The following EDIL3 variants were observed in gnomAD, a reference collection of about 807,000 sequenced individuals.
EDIL3 encodes EGF like and discoidin domains 3.
EDIL3 carries 37 observed loss-of-function variants against 67.4 expected under a neutral mutation model. That is an observed-to-expected ratio of 0.55 (90% CI 0.42 to 0.72). The LOEUF (loss-of-function observed/expected upper bound fraction) is 0.72. Among genes scored for constraint, EDIL3 ranks in the 30% least tolerant of loss-of-function variants. The pLI, the probability that EDIL3 is intolerant of heterozygous loss-of-function variation, is 0.00. For synonymous variants in EDIL3, 195 were observed against 196.3 expected (o/e 0.99, Z 0.05); for missense variants, 527 against 586.3 (o/e 0.90, Z 1.04).
Position 84,064,819 on chromosome 5 carries a change from T to C in EDIL3, c.833A>G (p.Asn278Ser), listed in dbSNP as rs146217388. The change falls in exon 8 of 11, where the codon AAC (asparagine) becomes AGC (serine). Residue 278 changes from asparagine (N) to serine (S), a missense_variant. Physicochemically the swap from Asn to Ser is conservative, Grantham distance 46. This residue lies in a region of EDIL3 where 494 missense variants were observed against 522.5 expected (regional missense o/e 0.95). Coordinates refer to ENST00000296591, the MANE Select transcript of EDIL3 (RefSeq NM_005711.5). ...DMVFRGNIDN[N>S]TPYANSFTPP... ...TGTGAAAGAGTTAGCATATGGAGTGTTGTTATCAATGTTTCCACGAAACAC... is the reference window on the plus strand; with the variant it reads ...TGTGAAAGAGTTAGCATATGGAGTGCTGTTATCAATGTTTCCACGAAACAC... 52 of 1,612,104 alleles carry C rather than the reference T, an allele frequency of 3.2e-5. No homozygotes were observed. The African/African-American group carries it at 5.9e-4, about 18-fold the overall frequency.
At chr5:83,994,969 T>G (rs949987756) in intron 9 of EDIL3, among the ~76,000 whole-genome samples, 1 of 152,160 alleles carries the variant, frequency 6.6e-6, no homozygotes, top group Non-Finnish European at 1.5e-5. Flanking sequence ...TAAGAGCAAT[T>G]ATGATTAAAT....
intron 6 of EDIL3, among the ~76,000 whole-genome samples, chr5:84,083,185 A>C (rs2112260330): frequency 6.6e-6 from 1 of 152,336 alleles, no homozygotes; most frequent in East Asian, 1.9e-4. Context: ...GCTCTGAATA[A>C]CTTTATGAGT....
At chr5:84,045,605 C>T (rs371970469) in intron 9 of EDIL3, among the ~76,000 whole-genome samples, 1 of 152,212 alleles carries the variant, frequency 6.6e-6, no homozygotes, top group African/African-American at 2.4e-5. Context: ...TGTCCTTAGT[C>T]ACATCTTAAA....
At chr5:84,184,287 G>A (rs1328330439) in intron 3 of EDIL3, among the ~76,000 whole-genome samples, 1 of 152,198 alleles carries the variant, frequency 6.6e-6, no homozygotes, top group Non-Finnish European at 1.5e-5. Context: ...AGAAGAGCAA[G>A]ATGACCTAAA....
chr5:84,344,453 T>C lies in EDIL3; in HGVS notation c.67+39855A>G, dbSNP rs1300731039. Among the ~76,000 whole-genome samples the C allele has an allele frequency of 1.3e-5, 2 of 151,998 alleles. 1 individual carries two copies. Among genetic ancestry groups the C allele is most frequent in the African/African-American group, 4.8e-5 (2 of 41,420 alleles). ...CTTTTAATTAATTTAAATATAAATA[T>C]AATAATTTAGCTATTGGAAGAATTT... On this transcript the variant is annotated intron_variant, in intron 1 of 10. Coordinates refer to ENST00000296591, the MANE Select transcript of EDIL3 (RefSeq NM_005711.5).
At chr5:84,378,946 T>C (rs546735471) in intron 1 of EDIL3, among the ~76,000 whole-genome samples, 1 of 152,338 alleles carries the variant, frequency 6.6e-6, no homozygotes, top group African/African-American at 2.4e-5. Flanking sequence ...TGCAATCTTT[T>C]AATAATGATG....
At chr5:84,202,141 A>G (rs1743856036) in intron 3 of EDIL3, among the ~76,000 whole-genome samples, 2 of 152,130 alleles carry the variant, frequency 1.3e-5, no homozygotes, top group African/African-American at 4.8e-5. Context: ...CCAATAATGC[A>G]AGAAGTAATA....
At chr5:84,085,100 A>T (rs1449302501) in intron 6 of EDIL3, among the ~76,000 whole-genome samples, 1 of 152,202 alleles carries the variant, frequency 6.6e-6, no homozygotes, top group Non-Finnish European at 1.5e-5. Flanking sequence ...TGTGTGAAAC[A>T]TACAAACATG....
intron 1 of EDIL3, among the ~76,000 whole-genome samples, chr5:84,357,177 G>A (rs1025119309): frequency 5.9e-5 from 9 of 151,704 alleles, no homozygotes; most frequent in African/African-American, 1.7e-4. Context: ...TGCCTGCTTC[G>A]GCTTCCCAAA....
At chr5:84,051,118 C>T (rs1371336274) in intron 9 of EDIL3, among the ~76,000 whole-genome samples, 1 of 152,150 alleles carries the variant, frequency 6.6e-6, no homozygotes, top group Non-Finnish European at 1.5e-5. Flanking sequence ...GACAAAACCT[C>T]CAGAGGAACG....
intron 9 of EDIL3, among the ~76,000 whole-genome samples, chr5:84,045,763 TC>T (rs34424246): frequency 6.6e-6 from 1 of 152,192 alleles, no homozygotes; most frequent in Non-Finnish European, 1.5e-5. Context: ...AGGCATGTTT[TC>T]CTTGCACAAA....
intron 9 of EDIL3, among the ~76,000 whole-genome samples, chr5:84,028,590 C>T (rs536812045): frequency 2.7e-4 from 41 of 152,080 alleles, no homozygotes; most frequent in Admixed American, 1.2e-3. Flanking sequence ...CACACACACA[C>T]GTGACATAAT....
At chr5:84,148,912 T>C (rs1043727138) in intron 4 of EDIL3, among the ~76,000 whole-genome samples, 8 of 140,294 alleles carry the variant, frequency 5.7e-5, no homozygotes, top group Non-Finnish European at 9.0e-5. Flanking sequence ...GGCCTAGACA[T>C]AGTAAAAGGG....
At chr5:84,331,625 C>T (rs1421990718) in intron 1 of EDIL3, among the ~76,000 whole-genome samples, 7 of 152,156 alleles carry the variant, frequency 4.6e-5, no homozygotes, top group Admixed American at 4.6e-4. Flanking sequence ...TCAATTAAAC[C>T]TCTTTCCTTT....
chr5:84,318,163 C>A (rs900296750), intron 1 of EDIL3, among the ~76,000 whole-genome samples: 30 of 152,128 alleles, frequency 2.0e-4, no homozygotes, highest in African/African-American at 7.0e-4. Flanking sequence ...AAAGAAGACA[C>A]AAACAAATGG....
chr5:83,960,894 T>C (rs547836515), intron 10 of EDIL3, among the ~76,000 whole-genome samples: 20 of 151,178 alleles, frequency 1.3e-4, no homozygotes, highest in African/African-American at 4.6e-4. Context: ...ATATAAATTG[T>C]TTAAATGCTC....
intron 1 of EDIL3, among the ~76,000 whole-genome samples, chr5:84,286,343 G>A (rs192429685): frequency 6.6e-6 from 1 of 152,102 alleles, no homozygotes; most frequent in Non-Finnish European, 1.5e-5. Flanking sequence ...AAAAGCCATA[G>A]ATGTCCACGT....
chr5:84,011,170 G>A (rs1055647573), intron 9 of EDIL3, among the ~76,000 whole-genome samples: 2 of 152,002 alleles, frequency 1.3e-5, no homozygotes, highest in East Asian at 1.9e-4. Context: ...CACATTATCT[G>A]TGTCTTTACA....
At chr5:84,252,096 G>A (rs1745033544) in intron 2 of EDIL3, among the ~76,000 whole-genome samples, 1 of 152,150 alleles carries the variant, frequency 6.6e-6, no homozygotes, top group African/African-American at 2.4e-5. Context: ...AGCGTGCTTA[G>A]TTTTTAAAGT....
Sources: allele counts gnomAD v4.1 joint callset (sites outside exome capture counted in the v4.1 genomes callset), GRCh38; gene constraint gnomAD v4.1.1; regional missense constraint gnomAD v4.1.1; transcripts MANE v1.5; gene names NCBI Gene and HGNC (gene_info 2026-07-23, HGNC 2026-07-21).